Variants in PMEPA1 observed in about 807,000 individuals in gnomAD.
PMEPA1 encodes prostate transmembrane protein, androgen induced 1, also known as protein TMEPAI.
A neutral mutation model predicts 23.0 loss-of-function variants in PMEPA1; 11 were observed. The observed-to-expected ratio is 0.48, with a 90% CI of 0.30 to 0.79. PMEPA1 has a LOEUF of 0.79. PMEPA1 is among the 30% of genes least tolerant of loss of function. The pLI is 0.06. For missense variants in PMEPA1, 377 were observed against 390.9 expected (o/e 0.96, Z 0.30); for synonymous variants, 204 against 166.4 (o/e 1.23, Z -1.74).
chr20:57,661,138 T>C (rs1391486269), intron 1 of PMEPA1, among the ~76,000 whole-genome samples: 4 of 152,184 alleles, frequency 2.6e-5, no homozygotes, highest in Non-Finnish European at 4.4e-5. Context: ...GGTTTTTTTG[T>C]TTTTTCTTTT....
chr20:57,673,185 G>A (rs908313422), intron 1 of PMEPA1, among the ~76,000 whole-genome samples: 1 of 151,844 alleles, frequency 6.6e-6, no homozygotes, highest in African/African-American at 2.4e-5. Context: ...GCCTTCTTGG[G>A]GCCACACCTT....
rs1466602288 is a variant in PMEPA1, at chr20:57,671,163, C to T, written c.110-11466G>A. Reference sequence around the variant, plus strand: ...AATGGGATTTTTGTTTCTATTGTCACTGACATCGAACACCTTTAAACATCC... The same window carrying T: ...AATGGGATTTTTGTTTCTATTGTCATTGACATCGAACACCTTTAAACATCC... On this transcript the variant is annotated intron_variant, in intron 1 of 3. Coordinates refer to ENST00000341744, the MANE Select transcript of PMEPA1 (RefSeq NM_020182.5). Among the ~76,000 whole-genome samples, 9 of 152,360 alleles carry T rather than the reference C, an allele frequency of 5.9e-5. 1 individual carries two copies. In the South Asian group the frequency reaches 1.9e-3, roughly 32 times the overall value.
intron 1 of PMEPA1, among the ~76,000 whole-genome samples, chr20:57,679,669 T>C (rs746568686): frequency 3.9e-5 from 6 of 152,196 alleles, no homozygotes; most frequent in Non-Finnish European, 8.8e-5. Flanking sequence ...AAGCCCAGGA[T>C]GTGAAAGCAA....
intron 1 of PMEPA1, among the ~76,000 whole-genome samples, chr20:57,671,704 G>T (rs1316190953): frequency 6.6e-6 from 1 of 152,124 alleles, no homozygotes. Flanking sequence ...ATAAATCTAC[G>T]CTGAGCTCTG....
chr20:57,689,015 T>C (rs1387397617), intron 1 of PMEPA1, among the ~76,000 whole-genome samples: 3 of 152,226 alleles, frequency 2.0e-5, no homozygotes, highest in Admixed American at 6.5e-5. Context: ...CCCAGACTTA[T>C]TGGCACAGGC....
intron 1 of PMEPA1, among the ~76,000 whole-genome samples, chr20:57,697,927 AAT>A (rs1294494452): frequency 6.6e-6 from 1 of 152,238 alleles, no homozygotes; most frequent in African/African-American, 2.4e-5. Context: ...GCAAACATCT[AAT>A]AATTGTCATT....
At chr20:57,700,718 G>T (rs904949201) in intron 1 of PMEPA1, among the ~76,000 whole-genome samples, 5 of 152,150 alleles carry the variant, frequency 3.3e-5, no homozygotes, top group Non-Finnish European at 5.9e-5. Context: ...AATAACAAAT[G>T]ATTTTAGTTA....
chr20:57,664,414 G>T (rs1438392175), intron 1 of PMEPA1, among the ~76,000 whole-genome samples: 1 of 152,236 alleles, frequency 6.6e-6, no homozygotes, highest in Non-Finnish European at 1.5e-5. Context: ...CAGGCACCGT[G>T]AATCCACCAG....
intron 1 of PMEPA1, among the ~76,000 whole-genome samples, chr20:57,702,914 G>A (rs900067566): frequency 2.0e-5 from 3 of 152,202 alleles, no homozygotes; most frequent in African/African-American, 7.2e-5. Flanking sequence ...TGTGGCTCTC[G>A]GATAGTCTGG....
intron 1 of PMEPA1, among the ~76,000 whole-genome samples, chr20:57,686,911 C>T (rs1209179921): frequency 6.6e-6 from 1 of 152,270 alleles, no homozygotes; most frequent in Non-Finnish European, 1.5e-5. Context: ...CAGGGAGATA[C>T]ACCCAGAGGA....
chr20:57,676,642 G>A (rs1334272821), intron 1 of PMEPA1, among the ~76,000 whole-genome samples: 1 of 152,234 alleles, frequency 6.6e-6, no homozygotes, highest in Non-Finnish European at 1.5e-5. Context: ...CAGCTGCAGA[G>A]GCTCAAGGGG....
chr20:57,659,382 T>C (rs1462936742), intron 2 of PMEPA1, among the ~76,000 whole-genome samples, 161 bp downstream of exon 2: 2 of 152,154 alleles, frequency 1.3e-5, no homozygotes, highest in Admixed American at 1.3e-4. Context: ...TTTCCTCCCA[T>C]TTCAGGGGAG....
intron 1 of PMEPA1, among the ~76,000 whole-genome samples, chr20:57,708,167 C>T (rs1005876030): frequency 6.6e-6 from 1 of 152,234 alleles, no homozygotes; most frequent in South Asian, 2.1e-4. Context: ...CGGACACTTG[C>T]TTATGAGCCG....
At position 57,669,317 on chromosome 20, in the gene PMEPA1, C is replaced by T. The variant is rs544563073; in HGVS notation, c.110-9620G>A. On this transcript the variant is annotated intron_variant, in intron 1 of 3. Transcript: ENST00000341744. Reference sequence around the variant, plus strand: ...CTGGGACTACAGGCACCCGCCAGCACGCCCAGCTAATTTTTGTATTTTGAG... The same window carrying T: ...CTGGGACTACAGGCACCCGCCAGCATGCCCAGCTAATTTTTGTATTTTGAG... Among the ~76,000 whole-genome samples, 98 of 152,254 alleles carry T rather than the reference C, an allele frequency of 6.4e-4. 2 individuals carry two copies. The highest frequency in any genetic ancestry group is 7.2e-4 in the Non-Finnish European group (49 of 68,024).
At chr20:57,672,747 C>G (rs116266167) in intron 1 of PMEPA1, among the ~76,000 whole-genome samples, 1 of 152,140 alleles carries the variant, frequency 6.6e-6, no homozygotes, top group African/African-American at 2.4e-5. Flanking sequence ...CACCATCGGG[C>G]TCCCAGGAGT....
upstream of PMEPA1, chr20:57,710,367 G>T (rs2072160257): frequency 2.2e-6 from 3 of 1,340,470 alleles, no homozygotes; most frequent in East Asian, 8.5e-5. Context: ...CCAGGCTCTT[G>T]GGGCTAGCCT....
chr20:57,686,148 C>T (rs963947465), intron 1 of PMEPA1, among the ~76,000 whole-genome samples: 5 of 152,202 alleles, frequency 3.3e-5, no homozygotes, highest in Non-Finnish European at 7.3e-5. Flanking sequence ...CGTGCGCTGA[C>T]CTCTCCTTCA....
intron 1 of PMEPA1, among the ~76,000 whole-genome samples, chr20:57,689,942 A>G (rs982725559): frequency 1.2e-4 from 18 of 152,256 alleles, no homozygotes; most frequent in Non-Finnish European, 2.2e-4. Flanking sequence ...CAGTGGCTGC[A>G]TCGCCCGGCA....
chr20:57,695,843 C>T (rs2071937012), intron 1 of PMEPA1, among the ~76,000 whole-genome samples: 1 of 152,178 alleles, frequency 6.6e-6, no homozygotes, highest in Non-Finnish European at 1.5e-5. Context: ...TTAGGAAACC[C>T]AGATGGCCCG....
Sources: gnomAD v4.1 joint callset for allele counts (sites outside exome capture counted in the v4.1 genomes callset) on GRCh38, gnomAD v4.1.1 for gene constraint, MANE v1.5 for transcripts, NCBI Gene and HGNC (gene_info 2026-07-23, HGNC 2026-07-21) for gene names.